Variants in KCNQ3 observed in about 807,000 individuals in gnomAD.
KCNQ3 encodes the protein potassium voltage-gated channel subfamily Q member 3.
Under a neutral mutation model 92.5 loss-of-function variants are expected in KCNQ3, and 30 were observed. The ratio of observed to expected loss-of-function variants is 0.32; its 90% CI spans 0.24 to 0.44. KCNQ3 has a LOEUF of 0.44. KCNQ3 is among the 20% of genes least tolerant of loss of function. The probability of loss-of-function intolerance (pLI) is 1.00; values close to 1 mark genes in which losing one functional copy is unlikely to be tolerated. For synonymous variants in KCNQ3, 450 were observed against 468.8 expected, an observed-to-expected ratio of 0.96 and a Z score of 0.52; for missense variants, 913 against 1,140.3, an observed-to-expected ratio of 0.80 and a Z score of 2.87.
intron 1 of KCNQ3, among the ~76,000 whole-genome samples, chr8:132,377,485 G>A (rs1819642818): frequency 6.6e-6 from 1 of 152,218 alleles, no homozygotes; most frequent in African/African-American, 2.4e-5. Context: ...AAAGGAACAC[G>A]AGAGGTAAGG....
intron 1 of KCNQ3, among the ~76,000 whole-genome samples, chr8:132,402,598 T>G (rs943804641): frequency 6.6e-6 from 1 of 152,162 alleles, no homozygotes; most frequent in African/African-American, 2.4e-5. Flanking sequence ...AGGGAACTTG[T>G]AAGGCAGTAA....
intron 1 of KCNQ3, among the ~76,000 whole-genome samples, chr8:132,419,863 T>A (rs1302922563): frequency 6.6e-6 from 1 of 152,228 alleles, no homozygotes; most frequent in Non-Finnish European, 1.5e-5. Context: ...CCGGAAAACC[T>A]GCATTCTTCC....
At chr8:132,479,734 C>A (rs948261279) in intron 1 of KCNQ3, among the ~76,000 whole-genome samples, 2 of 151,082 alleles carry the variant, frequency 1.3e-5, no homozygotes, top group Non-Finnish European at 2.9e-5. Context: ...GGGATCCACC[C>A]GAAACAGAAA....
intron 1 of KCNQ3, among the ~76,000 whole-genome samples, chr8:132,386,659 T>C (rs938557935): frequency 1.3e-5 from 2 of 152,172 alleles, no homozygotes; most frequent in Non-Finnish European, 2.9e-5. Context: ...TTCTATGCTA[T>C]TGATATAAAA....
At chr8:132,279,669 C>T (rs1014278689) in intron 1 of KCNQ3, among the ~76,000 whole-genome samples, 4 of 152,204 alleles carry the variant, frequency 2.6e-5, no homozygotes, top group African/African-American at 9.7e-5. Flanking sequence ...TACACACGCA[C>T]ACACACGTGT....
intron 1 of KCNQ3, among the ~76,000 whole-genome samples, chr8:132,337,848 G>A (rs1818408106): frequency 6.6e-6 from 1 of 152,202 alleles, no homozygotes; most frequent in South Asian, 2.1e-4. Flanking sequence ...GGTGCCATAA[G>A]ACTGAACTTT....
intron 1 of KCNQ3, among the ~76,000 whole-genome samples, chr8:132,294,902 G>A (rs1230682812): frequency 2.0e-5 from 3 of 152,144 alleles, no homozygotes; most frequent in Admixed American, 6.6e-5. Context: ...ACTCAAGATG[G>A]ATTAAAGTCT....
At position 132,137,860 on chromosome 8, in the gene KCNQ3, G is replaced by T. The variant is rs758168644; in HGVS notation, c.1700+25C>A. 1.1e-5 allele frequency: 17 copies of T among 1,613,310 alleles called. No homozygotes were observed. The East Asian group carries it at 3.3e-4, about 32-fold the overall frequency. Reference sequence around the variant, plus strand: ...TTCATAGGGCTTTGAGGGGAGCGCAGTCCCTCCAGATGTGACTGTCTCACC... The same window carrying T: ...TTCATAGGGCTTTGAGGGGAGCGCATTCCCTCCAGATGTGACTGTCTCACC... On this transcript the variant is annotated intron_variant, in intron 12 of 14. Transcript: ENST00000388996.
intron 1 of KCNQ3, among the ~76,000 whole-genome samples, chr8:132,253,998 G>A (rs1280902268): frequency 2.0e-5 from 3 of 152,248 alleles, no homozygotes; most frequent in Non-Finnish European, 2.9e-5. Flanking sequence ...TATCTATTAA[G>A]AAGATGTAGG....
chr8:132,175,369 G>T, intron 5 of KCNQ3, 84 bp downstream of exon 5: 1 of 1,475,488 alleles, frequency 6.8e-7, no homozygotes, highest in South Asian at 1.1e-5. Context: ...CTGCCTGGCT[G>T]AACATGCTCA....
At chr8:132,344,613 C>T (rs188959239) in intron 1 of KCNQ3, among the ~76,000 whole-genome samples, 119 of 152,244 alleles carry the variant, frequency 7.8e-4, no homozygotes, top group African/African-American at 2.6e-3. Context: ...ACACTCATCA[C>T]GGTGGAATCA....
chr8:132,144,283 G>T (rs1355161038), intron 9 of KCNQ3, among the ~76,000 whole-genome samples: 3 of 152,180 alleles, frequency 2.0e-5, no homozygotes, highest in Non-Finnish European at 4.4e-5. Flanking sequence ...AGAGGCTTAT[G>T]GAATTCTTCC....
chr8:132,407,263 G>T (rs950754071), intron 1 of KCNQ3, among the ~76,000 whole-genome samples: 2 of 152,146 alleles, frequency 1.3e-5, no homozygotes, highest in Admixed American at 6.6e-5. Context: ...ATGGACCCAC[G>T]ATCTTATTTA....
chr8:132,254,219 G>C (rs1398977889), intron 1 of KCNQ3, among the ~76,000 whole-genome samples: 8 of 152,222 alleles, frequency 5.3e-5, no homozygotes. Context: ...GAGGATGTGT[G>C]AAACGAGCAG....
chr8:132,413,663 CGTT>C lies in KCNQ3; in HGVS notation c.386+66481_386+66483del, dbSNP rs907166165. ...CTTGTGTGCTGCAATGGTTAAAAAA[CGTT>C]GTCAGACGTTGTCAAGGACACCGCA... is the stretch of plus-strand genomic sequence containing the variant. On this transcript the variant is annotated intron_variant, in intron 1 of 14. Coordinates refer to ENST00000388996, the MANE Select transcript of KCNQ3 (RefSeq NM_004519.4). Among the ~76,000 whole-genome samples, 45 of 152,306 alleles carry C rather than the reference CGTT, an allele frequency of 3.0e-4. 1 individual carries two copies. Among genetic ancestry groups the C allele is most frequent in the African/African-American group, 1.1e-3 (44 of 41,548 alleles).
intron 1 of KCNQ3, among the ~76,000 whole-genome samples, chr8:132,437,031 G>A (rs1821411987): frequency 4.6e-5 from 7 of 151,728 alleles, no homozygotes; most frequent in Admixed American, 4.6e-4. Flanking sequence ...TGTAATCCCA[G>A]CACTTTGGGA....
intron 1 of KCNQ3, among the ~76,000 whole-genome samples, chr8:132,423,886 A>G (rs1293855064): frequency 6.6e-6 from 1 of 152,166 alleles, no homozygotes; most frequent in East Asian, 1.9e-4. Context: ...CACTGAGTAA[A>G]GCGTATTGTA....
intron 1 of KCNQ3, among the ~76,000 whole-genome samples, chr8:132,332,323 C>G (rs1210359863): frequency 1.3e-5 from 2 of 152,152 alleles, no homozygotes; most frequent in Non-Finnish European, 2.9e-5. Context: ...ACATAAGAGA[C>G]TTTGAGCCAG....
rs553300506 is a variant in KCNQ3 at position 132,293,119 on chromosome 8, A to AC, written c.387-106939dup. ...TCCAGGGAGGGCATGGAAGCTCCAC[A>AC]CCCCTTCCCCTAGACCTCACCTTAC... On this transcript the variant is annotated intron_variant, in intron 1 of 14. Transcript: ENST00000388996. Among the ~76,000 whole-genome samples, 3 of 152,174 alleles carry AC rather than the reference A, an allele frequency of 2.0e-5. No individual in the cohort carries two copies. In the East Asian group the frequency reaches 5.8e-4, roughly 29 times the overall value.
Sources: gnomAD v4.1 joint callset for allele counts (sites outside exome capture counted in the v4.1 genomes callset) on GRCh38, gnomAD v4.1.1 for gene constraint, MANE v1.5 for transcripts, NCBI Gene and HGNC (gene_info 2026-07-23, HGNC 2026-07-21) for gene names.